CDH4: variants seen among roughly 807,000 people sequenced by gnomAD.
CDH4 encodes cadherin 4, also known as cadherin-4.
In CDH4, 33 loss-of-function variants were observed where a neutral mutation model predicts 86.0. The ratio of observed to expected loss-of-function variants is 0.38; its 90% CI spans 0.29 to 0.51. The LOEUF (loss-of-function observed/expected upper bound fraction) is 0.51. Among genes scored for constraint, CDH4 ranks in the 20% least tolerant of loss-of-function variants. The probability of loss-of-function intolerance (pLI) is 0.86; values close to 1 mark genes in which losing one functional copy is unlikely to be tolerated. For missense variants in CDH4, 1,114 were observed against 1,307.4 expected, an observed-to-expected ratio of 0.85 and a Z score of 2.28; for synonymous variants, 555 against 549.4, an observed-to-expected ratio of 1.01 and a Z score of -0.14.
intron 13 of CDH4, among the ~76,000 whole-genome samples, chr20:61,931,775 G>C (rs1385137775): frequency 6.6e-6 from 1 of 152,168 alleles, no homozygotes; most frequent in Non-Finnish European, 1.5e-5. Flanking sequence ...AGCCAGGGCT[G>C]GACACGGACC....
intron 2 of CDH4, among the ~76,000 whole-genome samples, chr20:61,380,675 C>A (rs144269814): frequency 3.3e-5 from 5 of 152,250 alleles, no homozygotes; most frequent in African/African-American, 1.2e-4. Context: ...CACTGTCACA[C>A]GATATGCATT....
intron 2 of CDH4, among the ~76,000 whole-genome samples, chr20:61,527,795 G>T (rs896230529): frequency 6.6e-6 from 1 of 152,042 alleles, no homozygotes. Flanking sequence ...GAGGCATCTC[G>T]GGTGGTGTCC....
Position 61,938,553 on chromosome 20 carries a change from CA to C in CDH4, c.*1611del, listed in dbSNP as rs2055224694. 1 of 152,410 alleles carries C rather than the reference CA, an allele frequency of 6.6e-6. No homozygotes were observed. Among genetic ancestry groups the C allele is most frequent in the Admixed American group, 6.5e-5 (1 of 15,284 alleles). The allele number at this position is 152,410 out of a possible 1,614,324, so 9.4% of individuals were successfully genotyped here. A position where few individuals can be genotyped will look rare whatever the true frequency, so the allele number is the denominator to read the frequency against. Reference sequence around the variant, plus strand: ...ACCCTGGGCAGGACCTGGTGTCGGGCAGGGCGGTGCCAGCACTGGGGAAGGA... The same window carrying C: ...ACCCTGGGCAGGACCTGGTGTCGGGCGGGCGGTGCCAGCACTGGGGAAGGA... On this transcript the variant is annotated 3_prime_UTR_variant, in exon 16 of 16. Coordinates refer to ENST00000614565, the MANE Select transcript of CDH4 (RefSeq NM_001794.5).
intron 2 of CDH4, among the ~76,000 whole-genome samples, chr20:61,509,860 G>A (rs2085767132): frequency 1.3e-5 from 2 of 152,132 alleles, no homozygotes; most frequent in South Asian, 4.1e-4. Context: ...GCTGGTGGCT[G>A]CAAGCTCTCT....
chr20:61,808,063 T>G (rs1980234688), intron 4 of CDH4, among the ~76,000 whole-genome samples: 1 of 152,038 alleles, frequency 6.6e-6, no homozygotes, highest in Non-Finnish European at 1.5e-5. Context: ...GACCAGCAAG[T>G]GTGGTCAGCA....
At chr20:61,660,668 TG>T (rs1260809714) in intron 2 of CDH4, among the ~76,000 whole-genome samples, 2 of 152,070 alleles carry the variant, frequency 1.3e-5, no homozygotes, top group Admixed American at 6.5e-5. Context: ...ACCCTCTGAG[TG>T]GGATGCGACC....
At chr20:61,313,237 C>A (rs745833097) in intron 2 of CDH4, among the ~76,000 whole-genome samples, 3 of 152,080 alleles carry the variant, frequency 2.0e-5, no homozygotes, top group African/African-American at 7.2e-5. Flanking sequence ...GAGGGATTTG[C>A]GGAGTGGTTC....
intron 2 of CDH4, among the ~76,000 whole-genome samples, chr20:61,566,103 G>C (rs1480706314): frequency 6.6e-6 from 1 of 152,180 alleles, no homozygotes; most frequent in African/African-American, 2.4e-5. Context: ...TGAGTCTCCT[G>C]CTGGGGCATC....
At chr20:61,916,536 A>G (rs1158695020) in intron 9 of CDH4, among the ~76,000 whole-genome samples, 2 of 152,214 alleles carry the variant, frequency 1.3e-5, no homozygotes, top group Non-Finnish European at 1.5e-5. Context: ...CGTTATCATC[A>G]TCATCATCCT....
intron 2 of CDH4, among the ~76,000 whole-genome samples, chr20:61,491,411 C>T (rs550652948): frequency 1.3e-5 from 2 of 152,176 alleles, no homozygotes; most frequent in South Asian, 4.1e-4. Context: ...GTGTATGACT[C>T]GTGATGCTGG....
intron 9 of CDH4, among the ~76,000 whole-genome samples, chr20:61,914,630 C>G (rs183282374): frequency 1.1e-3 from 173 of 150,554 alleles, no homozygotes; most frequent in African/African-American, 4.1e-3. Flanking sequence ...ACCTGCCATG[C>G]TCAGGGGAAC....
intron 2 of CDH4, among the ~76,000 whole-genome samples, chr20:61,514,336 C>T (rs1423117283): frequency 6.7e-6 from 1 of 150,312 alleles, no homozygotes; most frequent in Non-Finnish European, 1.5e-5. Context: ...CCCCCACCCC[C>T]GATGTCTATG....
rs143939886 is a variant in CDH4 at position 61,884,317 on chromosome 20, G to A, written c.1050+10417G>A. Reference sequence around the variant, plus strand: ...AAAGGGCAGCTGAGCAGAAGGTTGAGTGAGACACGCTTCCTTCCACGCAGC... The same window carrying A: ...AAAGGGCAGCTGAGCAGAAGGTTGAATGAGACACGCTTCCTTCCACGCAGC... On this transcript the variant is annotated intron_variant, in intron 7 of 15. Coordinates refer to ENST00000614565, the MANE Select transcript of CDH4 (RefSeq NM_001794.5). Among the ~76,000 whole-genome samples, 663 of 152,350 alleles carry A rather than the reference G, an allele frequency of 4.4e-3. 6 individuals carry two copies. The highest frequency in any genetic ancestry group is 0.014 in the African/African-American group (598 of 41,580).
chr20:61,675,736 G>T, intron 2 of CDH4, among the ~76,000 whole-genome samples: 1 of 104,158 alleles, frequency 9.6e-6, no homozygotes, highest in Non-Finnish European at 2.0e-5. Flanking sequence ...CTGAGGCTTT[G>T]GGCTCAGCCA....
At chr20:61,429,098 A>G (rs2085230436) in intron 2 of CDH4, among the ~76,000 whole-genome samples, 1 of 151,544 alleles carries the variant, frequency 6.6e-6, no homozygotes, top group Non-Finnish European at 1.5e-5. Context: ...TAGCTTACCT[A>G]TGACGGTAAG....
rs114320817 is a variant in CDH4 at position 61,628,283 on chromosome 20, G to A, written c.170-115280G>A. 1.9e-3 allele frequency among the ~76,000 whole-genome samples: 288 copies of A among 152,176 alleles called. 3 individuals are homozygous for A. Among genetic ancestry groups the A allele is most frequent in the African/African-American group, 6.5e-3 (272 of 41,528 alleles). ...GAGATGGTGCCGCCTGCCGTGCCACGGTTTTCCTCACTGCCGCCCCCACCC... is the reference window on the plus strand; with the variant it reads ...GAGATGGTGCCGCCTGCCGTGCCACAGTTTTCCTCACTGCCGCCCCCACCC... On this transcript the variant is annotated intron_variant, in intron 2 of 15. Coordinates refer to ENST00000614565, the MANE Select transcript of CDH4 (RefSeq NM_001794.5).
intron 7 of CDH4, among the ~76,000 whole-genome samples, chr20:61,877,187 G>A (rs1277417597): frequency 6.6e-6 from 1 of 152,128 alleles, no homozygotes; most frequent in East Asian, 1.9e-4. Context: ...ACAGATCATG[G>A]CAGCTCGGCC....
At position 61,577,043 on chromosome 20, in the gene CDH4, A is replaced by G. The variant is rs115864387; in HGVS notation, c.170-166520A>G. Among the ~76,000 whole-genome samples, 909 of 152,366 alleles carry G rather than the reference A, an allele frequency of 6.0e-3. 3 individuals are homozygous for G. Among genetic ancestry groups the G allele is most frequent in the Middle Eastern group, 0.017 (5 of 294 alleles). On this transcript the variant is annotated intron_variant, in intron 2 of 15. Coordinates refer to ENST00000614565, the MANE Select transcript of CDH4 (RefSeq NM_001794.5). ...AACATTCACTTGTGTCACCACATAA[A>G]TGTTTTGTGTGTTAAAGGATGCATG...
intron 2 of CDH4, among the ~76,000 whole-genome samples, chr20:61,534,487 A>G (rs1169738142): frequency 6.6e-6 from 1 of 152,116 alleles, no homozygotes; most frequent in Non-Finnish European, 1.5e-5. Context: ...CACCGCCGTG[A>G]TCGGAGGCTG....
Sources: gnomAD v4.1 joint callset for allele counts (sites outside exome capture counted in the v4.1 genomes callset) on GRCh38, gnomAD v4.1.1 for gene constraint, MANE v1.5 for transcripts, NCBI Gene and HGNC (gene_info 2026-07-23, HGNC 2026-07-21) for gene names.